ADAM12: variants seen among roughly 807,000 people sequenced by gnomAD.
ADAM12 encodes ADAM metallopeptidase domain 12.
In ADAM12, 70 loss-of-function variants were observed where a neutral mutation model predicts 106.4. That is an observed-to-expected ratio of 0.66 (90% CI 0.54 to 0.80). The LOEUF is 0.80. Ranked by LOEUF, ADAM12 falls within the 30% of genes least tolerant of loss-of-function variation. The pLI is 0.00. For synonymous variants in ADAM12, 420 were observed against 433.5 expected (o/e 0.97, Z 0.39); for missense variants, 1,010 against 1,171.9 (o/e 0.86, Z 2.02).
chr10:126,179,608 T>C (rs1957277751), intron 3 of ADAM12, among the ~76,000 whole-genome samples: 1 of 152,194 alleles, frequency 6.6e-6, no homozygotes, highest in Non-Finnish European at 1.5e-5. Flanking sequence ...TGTTCAACAT[T>C]ATGTAGGTGA....
chr10:126,090,676 A>G (rs1955447324), intron 11 of ADAM12: 1 of 152,124 alleles, frequency 6.6e-6, no homozygotes, highest in Non-Finnish European at 1.5e-5. Context: ...TCCATAAGGA[A>G]CCCCCTCCAA....
intron 21 of ADAM12, among the ~76,000 whole-genome samples, chr10:126,032,560 A>C (rs1953989385): frequency 6.6e-6 from 1 of 152,182 alleles, no homozygotes. Context: ...CAGTAGGAAT[A>C]CCTTCCTCTG....
chr10:126,212,594 T>C (rs1957921953), intron 3 of ADAM12, among the ~76,000 whole-genome samples: 1 of 152,182 alleles, frequency 6.6e-6, no homozygotes, highest in Admixed American at 6.5e-5. Flanking sequence ...CTTCTATTCC[T>C]ACATATATGA....
chr10:126,123,251 C>T (rs1295937343), intron 5 of ADAM12, among the ~76,000 whole-genome samples: 1 of 152,226 alleles, frequency 6.6e-6, no homozygotes, highest in Admixed American at 6.5e-5. Context: ...ACAGCCCTTA[C>T]TGGCCCTGAG....
chr10:126,251,410 T>C (rs971757917), intron 3 of ADAM12, among the ~76,000 whole-genome samples: 18 of 125,620 alleles, frequency 1.4e-4, no homozygotes, highest in Non-Finnish European at 2.8e-4. Context: ...GGTCACTGTC[T>C]TGGTCAAAAT....
chr10:126,215,789 C>T (rs538625662), intron 3 of ADAM12, among the ~76,000 whole-genome samples: 10 of 152,270 alleles, frequency 6.6e-5, no homozygotes, highest in African/African-American at 2.4e-4. Context: ...TTTGTCACCC[C>T]CGGCACAACA....
intron 3 of ADAM12, among the ~76,000 whole-genome samples, chr10:126,189,740 C>G (rs1334083106): frequency 6.6e-6 from 1 of 152,076 alleles, no homozygotes; most frequent in East Asian, 1.9e-4. Context: ...GGAGCCCATG[C>G]TTTAAGCCCC....
intron 18 of ADAM12, among the ~76,000 whole-genome samples, chr10:126,040,903 A>G (rs775536046): frequency 6.6e-6 from 1 of 152,062 alleles, no homozygotes; most frequent in Non-Finnish European, 1.5e-5. Flanking sequence ...CCTCTTCCCC[A>G]GGACCAGCAC....
At chr10:126,039,958 A>G (rs548243876) in intron 18 of ADAM12, among the ~76,000 whole-genome samples, 1 of 152,246 alleles carries the variant, frequency 6.6e-6, no homozygotes, top group Non-Finnish European at 1.5e-5. Flanking sequence ...GAGAAAGAAA[A>G]CTCATTTAAA....
chr10:126,121,580 T>C (rs1039481945), intron 5 of ADAM12, among the ~76,000 whole-genome samples: 6 of 148,220 alleles, frequency 4.0e-5, no homozygotes, highest in African/African-American at 1.5e-4. Context: ...ATATAATTTA[T>C]ATTGCAGCAA....
chr10:126,212,339 G>T (rs1446198680), intron 3 of ADAM12, among the ~76,000 whole-genome samples: 7 of 152,212 alleles, frequency 4.6e-5, no homozygotes, highest in African/African-American at 1.7e-4. Flanking sequence ...TAATGATCAT[G>T]ATGCTGTCAT....
At chr10:126,106,087 T>C (rs1408323841) in intron 8 of ADAM12, among the ~76,000 whole-genome samples, 1 of 152,132 alleles carries the variant, frequency 6.6e-6, no homozygotes, top group South Asian at 2.1e-4. Flanking sequence ...AAGCATCGTC[T>C]ACCTGCCCCT....
intron 1 of ADAM12, among the ~76,000 whole-genome samples, chr10:126,337,539 T>C (rs1275759103): frequency 6.6e-6 from 1 of 152,214 alleles, no homozygotes; most frequent in African/African-American, 2.4e-5. Flanking sequence ...ACCTGCTTTG[T>C]TCCAGCTGTG....
intron 2 of ADAM12, among the ~76,000 whole-genome samples, chr10:126,308,434 A>G (rs1024696303): frequency 2.0e-5 from 3 of 152,234 alleles, no homozygotes; most frequent in Admixed American, 6.5e-5. Context: ...AAATGATGCC[A>G]GAAATTATAT....
chr10:126,030,829 A>G (rs908077076), intron 21 of ADAM12, among the ~76,000 whole-genome samples: 19 of 152,190 alleles, frequency 1.2e-4, no homozygotes, highest in African/African-American at 4.6e-4. Context: ...TGTGTTTTAG[A>G]TTTACAGGGG....
intron 11 of ADAM12, among the ~76,000 whole-genome samples, chr10:126,088,079 G>A (rs931911653): frequency 4.6e-5 from 7 of 152,170 alleles, no homozygotes; most frequent in Admixed American, 6.5e-5. Context: ...GTGAAATGAT[G>A]TTATGGTTAT....
At chr10:126,282,163 T>C (rs1229054964) in intron 2 of ADAM12, among the ~76,000 whole-genome samples, 4 of 152,198 alleles carry the variant, frequency 2.6e-5, no homozygotes, top group Non-Finnish European at 5.9e-5. Context: ...AGTTGCCTTC[T>C]TACTGTGTCC....
intron 4 of ADAM12, among the ~76,000 whole-genome samples, chr10:126,136,025 G>A (rs1037494096): frequency 6.6e-6 from 1 of 152,168 alleles, no homozygotes; most frequent in Non-Finnish European, 1.5e-5. Context: ...ATGAAGAACT[G>A]TAGGGGGTAT....
intron 2 of ADAM12, among the ~76,000 whole-genome samples, chr10:126,319,675 A>G (rs1239942045): frequency 6.6e-6 from 1 of 152,212 alleles, no homozygotes; most frequent in Non-Finnish European, 1.5e-5. Context: ...AGTCAAAGCT[A>G]AGAAAATCAG....
Sources: gnomAD v4.1 joint callset for allele counts (sites outside exome capture counted in the v4.1 genomes callset) on GRCh38, gnomAD v4.1.1 for gene constraint, MANE v1.5 for transcripts, NCBI Gene and HGNC (gene_info 2026-07-23, HGNC 2026-07-21) for gene names.